Variants in CAMK1D observed in about 807,000 individuals in gnomAD.
CAMK1D encodes the protein calcium/calmodulin dependent protein kinase ID.
In CAMK1D, 9 loss-of-function variants were observed where a neutral mutation model predicts 47.7. That is an observed-to-expected ratio of 0.19 (90% CI 0.11 to 0.33). The LOEUF is 0.33. Ranked by LOEUF, CAMK1D falls within the 10% of genes least tolerant of loss-of-function variation. The pLI, the probability that CAMK1D is intolerant of heterozygous loss-of-function variation, is 1.00. For synonymous variants in CAMK1D, 184 were observed against 184.9 expected (o/e 0.99, Z 0.04); for missense variants, 291 against 488.7 (o/e 0.60, Z 3.81).
intron 3 of CAMK1D, among the ~76,000 whole-genome samples, chr10:12,693,629 C>G (rs1041121040): frequency 2.0e-5 from 3 of 148,938 alleles, no homozygotes; most frequent in Admixed American, 2.0e-4. Context: ...GAGACCCTGT[C>G]CCCCCCTAAA....
At chr10:12,480,198 T>C (rs12780836) in intron 1 of CAMK1D, among the ~76,000 whole-genome samples, 20,685 of 152,044 alleles carry the variant, frequency 0.14, 1,524 homozygotes, top group Non-Finnish European at 0.18. Flanking sequence ...ACCTGTAATC[T>C]CAGCACTTCG....
chr10:12,437,174 A>ATCTGTCTG lies in CAMK1D; in HGVS notation c.92+87284_92+87291dup, dbSNP rs34589186. ...CTGTCTATCTATCATCTATCTGTCC[A>ATCTGTCTG]TCTGTCTGTCTGTCTGTCTGTCTGT... On this transcript the variant is annotated intron_variant, in intron 1 of 10. Coordinates refer to ENST00000619168, the MANE Select transcript of CAMK1D (RefSeq NM_153498.4). Among the ~76,000 whole-genome samples the ATCTGTCTG allele has an allele frequency of 2.0e-5, 3 of 150,108 alleles. No individual in the cohort carries two copies. In the East Asian group the frequency reaches 5.8e-4, roughly 29 times the overall value.
intron 2 of CAMK1D, among the ~76,000 whole-genome samples, chr10:12,559,309 A>G (rs996130420): frequency 6.6e-6 from 1 of 152,100 alleles, no homozygotes; most frequent in African/African-American, 2.4e-5. Context: ...GGAAAAAACA[A>G]AAATATTATG....
chr10:12,819,669 C>T (rs1252522670), intron 8 of CAMK1D, among the ~76,000 whole-genome samples: 2 of 152,230 alleles, frequency 1.3e-5, no homozygotes, highest in Non-Finnish European at 2.9e-5. Context: ...GAATTTATAC[C>T]TTTCCCTTTG....
intron 6 of CAMK1D, among the ~76,000 whole-genome samples, chr10:12,804,937 CAAAAAAAAAAA>C (rs145584740): frequency 3.9e-5 from 2 of 51,056 alleles, no homozygotes; most frequent in South Asian, 1.3e-3. Flanking sequence ...GACCCTGTCT[CAAAAAAAAAAA>C]AAAAAAAAAA....
At chr10:12,393,919 G>T (rs1838841437) in intron 1 of CAMK1D, among the ~76,000 whole-genome samples, 1 of 152,184 alleles carries the variant, frequency 6.6e-6, no homozygotes, top group Admixed American at 6.5e-5. Flanking sequence ...GGACACCTGT[G>T]TGTCCTAGAA....
intron 1 of CAMK1D, among the ~76,000 whole-genome samples, chr10:12,392,320 C>A (rs753951579): frequency 5.3e-5 from 8 of 151,828 alleles, no homozygotes; most frequent in Non-Finnish European, 7.4e-5. Flanking sequence ...AAAACAAAAT[C>A]AAAAATCAAA....
At chr10:12,368,740 T>C (rs1055945215) in intron 1 of CAMK1D, among the ~76,000 whole-genome samples, 111 of 133,946 alleles carry the variant, frequency 8.3e-4, no homozygotes, top group South Asian at 1.4e-3. Flanking sequence ...TAAGACCCTG[T>C]CTCAAAAAAA....
intron 1 of CAMK1D, among the ~76,000 whole-genome samples, chr10:12,525,311 T>G (rs1835584977): frequency 6.6e-6 from 1 of 152,076 alleles, no homozygotes; most frequent in Admixed American, 6.6e-5. Flanking sequence ...TCTTTCAATA[T>G]TTTTTTTCTG....
chr10:12,476,714 G>C (rs984082347), intron 1 of CAMK1D, among the ~76,000 whole-genome samples: 1 of 152,164 alleles, frequency 6.6e-6, no homozygotes, highest in Non-Finnish European at 1.5e-5. Flanking sequence ...AATGTGATAA[G>C]TATTTCCACC....
chr10:12,801,349 C>CT (rs1178292296), intron 6 of CAMK1D, among the ~76,000 whole-genome samples: 3,498 of 105,668 alleles, frequency 0.033, 36 homozygotes, highest in African/African-American at 0.061. Flanking sequence ...ATCTATCTAT[C>CT]TATCTTATCT....
At chr10:12,505,038 A>G (rs1834828202) in intron 1 of CAMK1D, among the ~76,000 whole-genome samples, 1 of 152,236 alleles carries the variant, frequency 6.6e-6, no homozygotes, top group African/African-American at 2.4e-5. Flanking sequence ...ACAGCAGGGC[A>G]GTCAGGTACC....
intron 1 of CAMK1D, among the ~76,000 whole-genome samples, chr10:12,453,794 A>G (rs1250600894): frequency 6.6e-6 from 1 of 152,238 alleles, no homozygotes; most frequent in East Asian, 1.9e-4. Flanking sequence ...ACATTTTATC[A>G]TGGAGCCTTG....
At chr10:12,669,335 TG>T (rs1427063497) in intron 3 of CAMK1D, among the ~76,000 whole-genome samples, 1 of 152,174 alleles carries the variant, frequency 6.6e-6, no homozygotes, top group East Asian at 1.9e-4. Context: ...GATTAACTGT[TG>T]GGGGACATCG....
chr10:12,616,267 G>C (rs2132425504), intron 2 of CAMK1D, among the ~76,000 whole-genome samples: 1 of 152,256 alleles, frequency 6.6e-6, no homozygotes, highest in African/African-American at 2.4e-5. Flanking sequence ...GGGCAGGCTT[G>C]AATATTTTAG....
At chr10:12,468,053 G>A (rs941708221) in intron 1 of CAMK1D, among the ~76,000 whole-genome samples, 1 of 152,046 alleles carries the variant, frequency 6.6e-6, no homozygotes, top group African/African-American at 2.4e-5. Context: ...ATGCAAATAC[G>A]CTTTTTAATT....
intron 1 of CAMK1D, among the ~76,000 whole-genome samples, chr10:12,547,090 C>G (rs906161218): frequency 6.6e-6 from 1 of 152,066 alleles, no homozygotes; most frequent in Non-Finnish European, 1.5e-5. Context: ...CAGATGAAAC[C>G]TTGGGGGCCC....
At position 12,436,079 on chromosome 10, in the gene CAMK1D, C is replaced by T. The variant is rs554208939; in HGVS notation, c.92+86169C>T. 9.3e-4 allele frequency among the ~76,000 whole-genome samples: 141 copies of T among 152,242 alleles called. 1 individual carries two copies. The highest frequency in any genetic ancestry group is 7.1e-3 in the Admixed American group (109 of 15,298). On this transcript the variant is annotated intron_variant, in intron 1 of 10. Transcript: ENST00000619168. ...GACTGTACCTTTGTGCCACACAGCT[C>T]GGGAAGGAAGGCTTGCTTCTAGGGG... is the stretch of plus-strand genomic sequence containing the variant.
intron 3 of CAMK1D, among the ~76,000 whole-genome samples, chr10:12,701,359 TA>T (rs2130721055): frequency 6.6e-6 from 1 of 152,294 alleles, no homozygotes; most frequent in South Asian, 2.1e-4. Context: ...CACACCAAAA[TA>T]ACCTGCACAA....
Sources: gnomAD v4.1 joint callset for allele counts (sites outside exome capture counted in the v4.1 genomes callset) on GRCh38, gnomAD v4.1.1 for gene constraint, MANE v1.5 for transcripts, NCBI Gene and HGNC (gene_info 2026-07-23, HGNC 2026-07-21) for gene names.